Variants in GZMK observed in about 807,000 individuals in gnomAD.
GZMK encodes NK-Tryp-2.
A neutral mutation model predicts 22.8 loss-of-function variants in GZMK; 18 were observed. The ratio of observed to expected loss-of-function variants is 0.79; its 90% CI spans 0.54 to 1.17. The LOEUF is 1.17. Ranked by LOEUF, GZMK falls within the 50% of genes most tolerant of loss-of-function variation. GZMK has a pLI of 0.00. For synonymous variants in GZMK, 136 were observed against 115.0 expected, an observed-to-expected ratio of 1.18 and a Z score of -1.17; for missense variants, 342 against 320.2, an observed-to-expected ratio of 1.07 and a Z score of -0.52.
In GZMK at chr5:55,030,350, TATACAACCC is replaced by T. The variant is rs1190006781; in HGVS notation, c.213-83_213-75del. The T allele has an allele frequency of 8.4e-5, 106 of 1,261,690 alleles. No homozygotes were observed. In the East Asian group the frequency reaches 1.5e-3, roughly 18 times the overall value. 78.2% of individuals were successfully genotyped at this position (1,261,690 alleles called of 1,614,324 possible). A position where few individuals can be genotyped will look rare whatever the true frequency, so the allele number is the denominator to read the frequency against. On this transcript the variant is annotated intron_variant, in intron 2 of 4. Coordinates refer to ENST00000231009, the MANE Select transcript of GZMK (RefSeq NM_002104.3). ...TGGAGATAGCCCTTGTTTCTCTGTG[TATACAACCC>T]TCTCGACCATCACCACTCCCCACTG... is the stretch of plus-strand genomic sequence containing the variant.
At position 55,031,409 on chromosome 5, in the gene GZMK, A is replaced by C; in HGVS notation, c.409A>C (p.Ile137Leu). 4 of 1,613,526 alleles carry C rather than the reference A, an allele frequency of 2.5e-6. No individual in the cohort carries two copies. The South Asian group carries it at 3.3e-5, about 13-fold the overall frequency. ...KLNKHVKMLHIRSKTSLRSGT... is the reference protein window; with the variant it reads ...KLNKHVKMLHLRSKTSLRSGT... The stretch of plus-strand genomic sequence containing the variant: ...CAATAAACATGTCAAGATGCTCCAC[A>C]TAAGATCCAAAACCTCTCTTAGATC... The change falls in exon 4 of 5, where the codon ATA (isoleucine) becomes CTA (leucine). Residue 137 changes from isoleucine (I) to leucine (L), a missense_variant. By Grantham distance (5) the Ile-to-Leu change is conservative. Transcript: ENST00000231009.
At chr5:55,032,614 C>T (rs941630055) in intron 4 of GZMK, 1 of 152,108 alleles carries the variant, frequency 6.6e-6, no homozygotes, top group Non-Finnish European at 1.5e-5. Flanking sequence ...CGCCTGTAGT[C>T]CCACCTACTC....
chr5:55,029,542 TTTTGTTTGTTTGTTTGTTTG>T, intron 2 of GZMK, among the ~76,000 whole-genome samples: 1 of 150,504 alleles, frequency 6.6e-6, no homozygotes, highest in South Asian at 2.1e-4. Context: ...TCTTTGTGGT[TTTTGTTTGTTTGTTTGTTTG>T]TTTGTTTGTT....
chr5:55,030,366 C>T, intron 2 of GZMK, 68 bp from the exon 3 acceptor site: 1 of 1,444,780 alleles, frequency 6.9e-7, no homozygotes, highest in East Asian at 2.3e-5. Context: ...ACCCTCTCGA[C>T]CATCACCACT....
At position 55,033,993 on chromosome 5, in the gene GZMK, G is replaced by A. The variant is rs1433510021; in HGVS notation, c.*67G>A. On this transcript the variant is annotated 3_prime_UTR_variant, in exon 5 of 5. Coordinates refer to ENST00000231009, the MANE Select transcript of GZMK (RefSeq NM_002104.3). The stretch of plus-strand genomic sequence containing the variant: ...TAATATGCTCGCAGGTTAGAGTTGG[G>A]TGTAAGTAAAGCAGAGCACATATGG... 6 of 1,339,666 alleles carry A rather than the reference G, an allele frequency of 4.5e-6. No homozygotes were observed. Among genetic ancestry groups the A allele is most frequent in the African/African-American group, 2.9e-5 (2 of 68,788 alleles). 83.0% of individuals were successfully genotyped at this position (1,339,666 alleles called of 1,614,324 possible). A position where few individuals can be genotyped will look rare whatever the true frequency, so the allele number is the denominator to read the frequency against.
intron 2 of GZMK, chr5:55,027,699 T>C (rs1449748019): frequency 6.6e-6 from 1 of 152,242 alleles, no homozygotes; most frequent in Non-Finnish European, 1.5e-5. Context: ...TGTTTACAGA[T>C]GTCTTCAGCA....
At chr5:55,026,405 T>G (rs918797153) in intron 2 of GZMK, among the ~76,000 whole-genome samples, 2 of 124,600 alleles carry the variant, frequency 1.6e-5, no homozygotes, top group African/African-American at 8.8e-5. Flanking sequence ...GTCTTGGAGT[T>G]TTTTGTGTTT....
chr5:55,033,634 G>A, intron 4 of GZMK, 131 bp from the exon 5 acceptor site: 1 of 637,650 alleles, frequency 1.6e-6, no homozygotes, highest in Non-Finnish European at 2.7e-6. Context: ...GGCAGTGTCA[G>A]ACACTCTTCT....
intron 2 of GZMK, among the ~76,000 whole-genome samples, chr5:55,028,770 T>C (rs899475870): frequency 1.3e-5 from 2 of 152,232 alleles, no homozygotes; most frequent in African/African-American, 4.8e-5. Context: ...GACACTGTAA[T>C]GGAATGTATC....
chr5:55,028,652 G>A (rs890661503), intron 2 of GZMK: 8 of 152,124 alleles, frequency 5.3e-5, no homozygotes, highest in Admixed American at 5.2e-4. Flanking sequence ...ATGAGTATGT[G>A]TGTTTTTACT....
Position 55,031,533 on chromosome 5 carries a change from G to A in GZMK, c.533G>A (p.Arg178Gln), listed in dbSNP as rs753500430. The change falls in exon 4 of 5, where the codon CGA becomes CAA. Residue 178 changes from arginine to glutamine, a missense_variant. Transcript: ENST00000231009. ...LREVTVTVLS[R>Q]KLCNSQSYYN... ...GAAGTCACTGTTACTGTCCTAAGTC[G>A]AAAACTTTGCAACAGCCAAAGTTAC... 39 of 1,614,048 alleles carry A rather than the reference G, an allele frequency of 2.4e-5. No homozygotes were observed. The East Asian group carries it at 3.1e-4, about 13-fold the overall frequency.
intron 2 of GZMK, chr5:55,028,578 C>G (rs1432336508): frequency 6.6e-6 from 1 of 152,182 alleles, no homozygotes; most frequent in Non-Finnish European, 1.5e-5. Flanking sequence ...ACAATCATGT[C>G]TTCCTTTTTC....
At chr5:55,030,364 G>T in intron 2 of GZMK, 70 bp from the exon 3 acceptor site, 1 of 1,429,728 alleles carries the variant, frequency 7.0e-7, no homozygotes, top group South Asian at 1.2e-5. Flanking sequence ...CAACCCTCTC[G>T]ACCATCACCA....
At chr5:55,028,739 G>A (rs1489728428) in intron 2 of GZMK, among the ~76,000 whole-genome samples, 2 of 152,206 alleles carry the variant, frequency 1.3e-5, no homozygotes, top group Non-Finnish European at 2.9e-5. Flanking sequence ...TAAAAGATCT[G>A]AGGTGGACTT....
intron 4 of GZMK, 121 bp from the exon 5 acceptor site, chr5:55,033,644 T>C (rs756470808): frequency 1.5e-6 from 1 of 681,164 alleles, no homozygotes; most frequent in Non-Finnish European, 2.5e-6. Flanking sequence ...GACACTCTTC[T>C]GGACATAAAG....
chr5:55,033,734 A>G, intron 4 of GZMK, 31 bp from the exon 5 acceptor site: 3 of 1,562,396 alleles, frequency 1.9e-6, no homozygotes, highest in Non-Finnish European at 2.6e-6. Context: ...ACAGCTTCTT[A>G]CCACGTATTT....
Position 55,034,399 on chromosome 5 carries a change from T to C in GZMK, c.*473T>C, listed in dbSNP as rs1461721708. 6.6e-6 allele frequency: 1 copy of C among 152,586 alleles called. No individual in the cohort carries two copies. Among genetic ancestry groups the C allele is most frequent in the Admixed American group, 6.5e-5 (1 of 15,318 alleles). 9.5% of individuals were successfully genotyped at this position (152,586 alleles called of 1,614,324 possible). A position where few individuals can be genotyped will look rare whatever the true frequency, so the allele number is the denominator to read the frequency against. On this transcript the variant is annotated 3_prime_UTR_variant, in exon 5 of 5. Coordinates refer to ENST00000231009, the MANE Select transcript of GZMK (RefSeq NM_002104.3). Reference sequence around the variant, plus strand: ...ATCTTGCAGTGCAGATCTCTAGAACTGCTTCATCTCATATAAATGAAACTT... The same window carrying C: ...ATCTTGCAGTGCAGATCTCTAGAACCGCTTCATCTCATATAAATGAAACTT...
At position 55,033,855 on chromosome 5, in the gene GZMK, A is replaced by G. The variant is rs1741275282; in HGVS notation, c.724A>G (p.Ile242Val). The change falls in exon 5 of 5, where the codon ATC becomes GTC. Residue 242 changes from isoleucine (I) to valine (V), a missense_variant. Transcript: ENST00000231009. ...HECGVATKPG[I>V]YTLLTKKYQT... is the part of the protein sequence containing the mutation. ...ATGTGGTGTTGCCACAAAGCCTGGA[A>G]TCTACACCCTGTTAACCAAGAAATA... is the stretch of plus-strand genomic sequence containing the variant. 2 of 1,613,672 alleles carry G rather than the reference A, an allele frequency of 1.2e-6. No homozygotes were observed. Among genetic ancestry groups the G allele is most frequent in the Non-Finnish European group, 1.7e-6 (2 of 1,179,730 alleles).
rs17681401 is a variant in GZMK, at chr5:55,034,085, T to G, written c.*159T>G. On this transcript the variant is annotated 3_prime_UTR_variant, in exon 5 of 5. Transcript: ENST00000231009. ...AGTTCTTTTTCACTTGTATCACTGATGTATTTCTACCATGCTGGTTTTATT... is the reference window on the plus strand; with the variant it reads ...AGTTCTTTTTCACTTGTATCACTGAGGTATTTCTACCATGCTGGTTTTATT... The G allele has an allele frequency of 3.6e-6, 2 of 559,326 alleles. No individual in the cohort carries two copies. Among genetic ancestry groups the G allele is most frequent in the East Asian group, 5.9e-5 (2 of 33,800 alleles). The allele number at this position is 559,326 out of a possible 1,614,324, so 34.6% of individuals were successfully genotyped here.
Sources: allele counts gnomAD v4.1 joint callset (sites outside exome capture counted in the v4.1 genomes callset), GRCh38; gene constraint gnomAD v4.1.1; transcripts MANE v1.5; gene names NCBI Gene and HGNC (gene_info 2026-07-23, HGNC 2026-07-21).